The following RYR3 variants were observed in gnomAD, a reference collection of about 807,000 sequenced individuals.
RYR3 encodes the protein ryanodine receptor 3.
Under a neutral mutation model 584.3 loss-of-function variants are expected in RYR3, and 207 were observed. The observed-to-expected ratio is 0.35, with a 90% confidence interval of 0.32 to 0.40. The LOEUF is 0.40. RYR3 is among the 10% of genes least tolerant of loss of function. RYR3 has a pLI of 1.00. For missense variants in RYR3, 5,616 were observed against 6,089.2 expected (o/e 0.92, Z 2.59); for synonymous variants, 2,416 against 2,248.5 (o/e 1.07, Z -2.11).
At chr15:33,528,618 C>T (rs988308159) in intron 3 of RYR3, among the ~76,000 whole-genome samples, 4 of 152,152 alleles carry the variant, frequency 2.6e-5, no homozygotes, top group Admixed American at 6.5e-5. Flanking sequence ...TAGTTAAGTG[C>T]CCTCACTTTT....
intron 1 of RYR3, among the ~76,000 whole-genome samples, chr15:33,417,978 C>T (rs1308528347): frequency 1.3e-5 from 2 of 152,122 alleles, no homozygotes; most frequent in Non-Finnish European, 2.9e-5. Flanking sequence ...TGGTGAATCA[C>T]ATCAAATTGC....
In RYR3 at chr15:33,580,083, A is replaced by T; in HGVS notation, c.1376A>T (p.His459Leu). The T allele has an allele frequency of 6.2e-7, 1 of 1,613,646 alleles. No homozygotes were observed. The highest frequency in any genetic ancestry group is 8.5e-7 in the Non-Finnish European group (1 of 1,179,724). Reference protein sequence around the residue: ...YFQPPEEEMRHEDKQNKLRSL... With the variant: ...YFQPPEEEMRLEDKQNKLRSL... Reference sequence around the variant, plus strand: ...CAGCCCCCAGAGGAGGAGATGCGACATGAAGACAAGCAGAACAAGCTCCGC... The same window carrying T: ...CAGCCCCCAGAGGAGGAGATGCGACTTGAAGACAAGCAGAACAAGCTCCGC... The change falls in exon 13 of 104, where the codon CAT becomes CTT. Residue 459 changes from histidine (H) to leucine (L), a missense_variant. Physicochemically the swap from His to Leu is moderately conservative, Grantham distance 99. Transcript: ENST00000634891.
intron 98 of RYR3, among the ~76,000 whole-genome samples, chr15:33,855,204 C>CTTTT (rs201635608): frequency 2.7e-5 from 4 of 147,478 alleles, no homozygotes; most frequent in Non-Finnish European, 3.0e-5. Flanking sequence ...CCTTGGAGAT[C>CTTTT]TTTTTTTTTT....
chr15:33,724,813 A>C (rs1378209503), intron 45 of RYR3, among the ~76,000 whole-genome samples: 2 of 152,170 alleles, frequency 1.3e-5, no homozygotes. Context: ...AATCTTGATA[A>C]GGGAGGCTGA....
chr15:33,671,028 G>T (rs1004972786), intron 38 of RYR3, among the ~76,000 whole-genome samples: 8 of 151,912 alleles, frequency 5.3e-5, no homozygotes, highest in Non-Finnish European at 1.2e-4. Context: ...TTGGATTTGG[G>T]GTATGATTTT....
intron 98 of RYR3, among the ~76,000 whole-genome samples, chr15:33,855,456 G>A (rs759070596): frequency 7.2e-5 from 11 of 152,158 alleles, no homozygotes; most frequent in Non-Finnish European, 1.3e-4. Flanking sequence ...CACCCGCCTC[G>A]GCCTCCCGAA....
At chr15:33,592,657 C>T (rs2059187921) in intron 16 of RYR3, among the ~76,000 whole-genome samples, 1 of 152,158 alleles carries the variant, frequency 6.6e-6, no homozygotes, top group Non-Finnish European at 1.5e-5. Context: ...CAATACCTGC[C>T]TCTCCAGCCA....
intron 14 of RYR3, among the ~76,000 whole-genome samples, chr15:33,583,944 T>C (rs1420245138): frequency 6.6e-6 from 1 of 151,246 alleles, no homozygotes; most frequent in Non-Finnish European, 1.5e-5. Context: ...CCCAGCTACT[T>C]GGGAGGCTGA....
chr15:33,548,036 T>G, intron 8 of RYR3, 94 bp from the exon 9 acceptor site: 1 of 830,644 alleles, frequency 1.2e-6, no homozygotes, highest in African/African-American at 1.7e-5. Context: ...TTAGACAAGC[T>G]CAGTACCTGA....
chr15:33,670,219 C>A (rs1334133371), intron 37 of RYR3, among the ~76,000 whole-genome samples, 200 bp from the exon 38 acceptor site: 1 of 134,946 alleles, frequency 7.4e-6, no homozygotes, highest in African/African-American at 2.6e-5. Flanking sequence ...ACTTGTTGTT[C>A]TGATAAACAG....
intron 1 of RYR3, among the ~76,000 whole-genome samples, chr15:33,401,934 A>G (rs1235806889): frequency 6.6e-6 from 1 of 152,196 alleles, no homozygotes; most frequent in African/African-American, 2.4e-5. Context: ...TTGAGTACAT[A>G]TTAATTTCAA....
At chr15:33,472,390 C>T (rs2049002981) in intron 1 of RYR3, among the ~76,000 whole-genome samples, 1 of 152,208 alleles carries the variant, frequency 6.6e-6, no homozygotes, top group Non-Finnish European at 1.5e-5. Context: ...CTTTCCAACA[C>T]TCTGGTGACA....
chr15:33,827,409 C>G (rs1456750173), intron 85 of RYR3, 122 bp downstream of exon 85: 5 of 806,576 alleles, frequency 6.2e-6, no homozygotes, highest in Non-Finnish European at 1.0e-5. Flanking sequence ...GGCGTTGTAA[C>G]GTGTATCCAC....
At chr15:33,637,066 C>T (rs2061535904) in intron 27 of RYR3, among the ~76,000 whole-genome samples, 1 of 152,212 alleles carries the variant, frequency 6.6e-6, no homozygotes, top group Non-Finnish European at 1.5e-5. Flanking sequence ...CACTGTGAAA[C>T]CCAACCAGAG....
chr15:33,847,971 G>A lies in RYR3; in HGVS notation c.13498-320G>A, dbSNP rs1344416303. 2.6e-5 allele frequency among the ~76,000 whole-genome samples: 4 copies of A among 152,208 alleles called. No homozygotes were observed. The East Asian group carries it at 5.8e-4, about 22-fold the overall frequency. On this transcript the variant is annotated intron_variant, in intron 93 of 103. Coordinates refer to ENST00000634891, the MANE Select transcript of RYR3 (RefSeq NM_001036.6). ...CAACTCCAGCCGAGGAGCCTTAGGA[G>A]TCCTAACTCATTCAACCCTGGGGCT... is the stretch of plus-strand genomic sequence containing the variant.
At position 33,437,293 on chromosome 15, in the gene RYR3, G is replaced by C. The variant is rs1475190593; in HGVS notation, c.52-36126G>C. Among the ~76,000 whole-genome samples the C allele has an allele frequency of 4.6e-5, 7 of 152,336 alleles. No homozygotes were observed. In the East Asian group the frequency reaches 1.2e-3, roughly 25 times the overall value. On this transcript the variant is annotated intron_variant, in intron 1 of 103. Coordinates refer to ENST00000634891, the MANE Select transcript of RYR3 (RefSeq NM_001036.6). ...ATAGCAGCTCAGCAGTGTCATCAAG[G>C]ACCTAGGCTCCTTTTACATTACATC...
At chr15:33,555,352 A>T (rs2056998697) in intron 10 of RYR3, among the ~76,000 whole-genome samples, 1 of 152,310 alleles carries the variant, frequency 6.6e-6, no homozygotes, top group Middle Eastern at 3.4e-3. Context: ...GAGGGTATGG[A>T]GCAAAGGAGG....
At chr15:33,546,182 C>G (rs2141201928) in intron 8 of RYR3, among the ~76,000 whole-genome samples, 1 of 152,300 alleles carries the variant, frequency 6.6e-6, no homozygotes, top group Non-Finnish European at 1.5e-5. Flanking sequence ...AACAAACCTT[C>G]ACAAATCCTT....
At chr15:33,811,523 AAG>A (rs985396816) in intron 72 of RYR3, among the ~76,000 whole-genome samples, 4 of 151,884 alleles carry the variant, frequency 2.6e-5, no homozygotes, top group Non-Finnish European at 4.4e-5. Flanking sequence ...AAAAAAAAAA[AAG>A]TACTGGTACA....
Sources: allele counts gnomAD v4.1 joint callset (sites outside exome capture counted in the v4.1 genomes callset), GRCh38; gene constraint gnomAD v4.1.1; transcripts MANE v1.5; gene names NCBI Gene and HGNC (gene_info 2026-07-23, HGNC 2026-07-21).